The following ACSS3 variants were observed in gnomAD, a reference collection of about 807,000 sequenced individuals.
The protein encoded by ACSS3 is acyl-CoA synthetase short-chain family member 3, mitochondrial.
Under a neutral mutation model 84.2 loss-of-function variants are expected in ACSS3, and 64 were observed. That is an observed-to-expected ratio of 0.76 (90% CI 0.62 to 0.94). ACSS3 has a LOEUF of 0.94. Among genes scored for constraint, ACSS3 ranks in the 40% least tolerant of loss-of-function variants. The pLI is 0.00. For missense variants in ACSS3, 815 were observed against 867.6 expected, an observed-to-expected ratio of 0.94 and a Z score of 0.76; for synonymous variants, 317 against 310.1, an observed-to-expected ratio of 1.02 and a Z score of -0.23.
intron 13 of ACSS3, among the ~76,000 whole-genome samples, chr12:81,252,986 ATT>A: frequency 1.3e-5 from 2 of 152,274 alleles, no homozygotes; most frequent in South Asian, 4.1e-4. Flanking sequence ...TCCACTACAC[ATT>A]TTCTCTGACT....
intron 10 of ACSS3, among the ~76,000 whole-genome samples, chr12:81,217,699 C>T (rs1198271348): frequency 1.3e-5 from 2 of 151,852 alleles, no homozygotes; most frequent in Non-Finnish European, 2.9e-5. Context: ...AAAAATTAGC[C>T]GGGTGTGGTG....
At chr12:81,143,391 C>A in intron 5 of ACSS3, 144 bp downstream of exon 5, 2 of 889,482 alleles carry the variant, frequency 2.2e-6, no homozygotes, top group Non-Finnish European at 3.1e-6. Context: ...TTTTCCTGTG[C>A]CCAGTCTGGA....
In ACSS3 at chr12:81,258,451, A is replaced by T. The variant is rs2034423077; in HGVS notation, c.*3529A>T. The T allele has an allele frequency of 6.6e-6, 1 of 152,156 alleles. No homozygotes were observed. Among genetic ancestry groups the T allele is most frequent in the African/African-American group, 2.4e-5 (1 of 41,460 alleles). The allele number at this position is 152,156 out of a possible 1,614,324, so 9.4% of individuals were successfully genotyped here. On this transcript the variant is annotated 3_prime_UTR_variant, in exon 16 of 16. Transcript: ENST00000548058. ...GCTTAATAAGATCAAGCAGCAGAAA[A>T]TCAGCAGTTAGATAAATGGTATTAT... is the stretch of plus-strand genomic sequence containing the variant.
At chr12:81,135,423 AT>A (rs1333094698) in intron 3 of ACSS3, among the ~76,000 whole-genome samples, 1 of 142,764 alleles carries the variant, frequency 7.0e-6, no homozygotes, top group Non-Finnish European at 1.5e-5. Context: ...TAATATATAA[AT>A]ATATATAATA....
intron 13 of ACSS3, among the ~76,000 whole-genome samples, chr12:81,234,766 G>T: frequency 6.6e-6 from 1 of 151,076 alleles, no homozygotes; most frequent in African/African-American, 2.4e-5. Flanking sequence ...TTATTGTTCA[G>T]TTTTGTAAGT....
At position 81,199,712 on chromosome 12, in the gene ACSS3, G is replaced by A. The variant is rs1180950763; in HGVS notation, c.1354+268G>A. 4 of 1,356,446 alleles carry A rather than the reference G, an allele frequency of 2.9e-6. No individual in the cohort carries two copies. In the African/African-American group the frequency reaches 4.4e-5, roughly 15 times the overall value. The allele number at this position is 1,356,446 out of a possible 1,614,324, so 84.0% of individuals were successfully genotyped here. ...TTCTCTTCTTTGTTTCTTATATCTG[G>A]TAAGTTACTAAGTCTCAGATTTTCC... On this transcript the variant is annotated intron_variant, in intron 9 of 15. Transcript: ENST00000548058.
chr12:81,132,068 G>C (rs1216973599), intron 2 of ACSS3, among the ~76,000 whole-genome samples: 2 of 152,118 alleles, frequency 1.3e-5, no homozygotes, highest in East Asian at 3.8e-4. Flanking sequence ...TGTTCATCAG[G>C]GATATTGGTC....
chr12:81,130,472 T>A (rs536017012), intron 2 of ACSS3, among the ~76,000 whole-genome samples: 1 of 152,316 alleles, frequency 6.6e-6, no homozygotes, highest in African/African-American at 2.4e-5. Context: ...TTGATGGGGT[T>A]GTTTGATTTT....
chr12:81,192,861 C>T (rs1215870542), intron 8 of ACSS3, among the ~76,000 whole-genome samples: 1 of 152,082 alleles, frequency 6.6e-6, no homozygotes, highest in Non-Finnish European at 1.5e-5. Context: ...TCTTTTTGGC[C>T]TTTTGATGCC....
intron 2 of ACSS3, among the ~76,000 whole-genome samples, chr12:81,131,448 G>T (rs939740153): frequency 1.3e-5 from 2 of 152,102 alleles, no homozygotes; most frequent in South Asian, 4.1e-4. Flanking sequence ...TGATGTATAG[G>T]AATGCCTGTG....
chr12:81,159,970 C>A (rs1467217564), intron 7 of ACSS3, among the ~76,000 whole-genome samples: 1 of 152,200 alleles, frequency 6.6e-6, no homozygotes, highest in Non-Finnish European at 1.5e-5. Context: ...TACCAATGTG[C>A]AAAAGTGTGT....
At chr12:81,238,190 G>T (rs1202929085) in intron 13 of ACSS3, among the ~76,000 whole-genome samples, 1 of 151,674 alleles carries the variant, frequency 6.6e-6, no homozygotes, top group Non-Finnish European at 1.5e-5. Flanking sequence ...AACCAGCTTT[G>T]TATACCTGGG....
intron 2 of ACSS3, among the ~76,000 whole-genome samples, chr12:81,124,787 T>C (rs1884934312): frequency 6.6e-6 from 1 of 152,172 alleles, no homozygotes; most frequent in Non-Finnish European, 1.5e-5. Flanking sequence ...CCCATTGTTT[T>C]CTCTTTCCCT....
At chr12:81,198,846 A>G (rs945867225) in intron 8 of ACSS3, among the ~76,000 whole-genome samples, 1 of 152,166 alleles carries the variant, frequency 6.6e-6, no homozygotes, top group African/African-American at 2.4e-5. Context: ...GGAAAAATAT[A>G]TACTCAAAAT....
intron 1 of ACSS3, among the ~76,000 whole-genome samples, chr12:81,105,981 G>A (rs1258044682): frequency 1.3e-5 from 2 of 152,162 alleles, no homozygotes; most frequent in Non-Finnish European, 2.9e-5. Context: ...TCAAGGAACT[G>A]CAAAGTTTGT....
At chr12:81,126,545 T>A (rs778329966) in intron 2 of ACSS3, among the ~76,000 whole-genome samples, 3 of 151,588 alleles carry the variant, frequency 2.0e-5, no homozygotes, top group Non-Finnish European at 4.4e-5. Context: ...TGTGATGAAT[T>A]CTGATGATTT....
chr12:81,098,689 T>G (rs1316846689), intron 1 of ACSS3, among the ~76,000 whole-genome samples: 4 of 152,234 alleles, frequency 2.6e-5, no homozygotes, highest in Non-Finnish European at 4.4e-5. Context: ...ACATGTTAAT[T>G]TGTCTGCAGT....
chr12:81,240,770 C>T (rs545481214), intron 13 of ACSS3, among the ~76,000 whole-genome samples: 4 of 151,848 alleles, frequency 2.6e-5, no homozygotes, highest in Non-Finnish European at 5.9e-5. Context: ...TACAACTAAC[C>T]AAATCCAGAC....
chr12:81,216,061 A>G (rs2135941068), intron 9 of ACSS3, among the ~76,000 whole-genome samples: 1 of 152,224 alleles, frequency 6.6e-6, no homozygotes, highest in African/African-American at 2.4e-5. Context: ...TTAGCTTTAA[A>G]TGCAGGTTCT....
Sources: allele counts gnomAD v4.1 joint callset (sites outside exome capture counted in the v4.1 genomes callset), GRCh38; gene constraint gnomAD v4.1.1; transcripts MANE v1.5; gene names NCBI Gene and HGNC (gene_info 2026-07-23, HGNC 2026-07-21).